The following PHF21B variants were observed in gnomAD, a reference collection of about 807,000 sequenced individuals.
PHF21B encodes PHD finger protein 4.
In PHF21B, 22 loss-of-function variants were observed where a neutral mutation model predicts 62.2. The ratio of observed to expected loss-of-function variants is 0.35; its 90% CI spans 0.25 to 0.51. The LOEUF is 0.51. Ranked by LOEUF, PHF21B falls within the 20% of genes least tolerant of loss-of-function variation. The pLI, the probability that PHF21B is intolerant of heterozygous loss-of-function variation, is 0.97. For synonymous variants in PHF21B, 341 were observed against 314.7 expected (o/e 1.08, Z -0.88); for missense variants, 701 against 707.9 (o/e 0.99, Z 0.11).
rs116633368 is a variant in PHF21B, at chr22:44,892,596, G to T, written c.960+861C>A. ...CTGCAACACACCAGGCACTGACCTCGGGGGACATCGTTTCCCTCAGGACAG... is the reference window on the plus strand; with the variant it reads ...CTGCAACACACCAGGCACTGACCTCTGGGGACATCGTTTCCCTCAGGACAG... On this transcript the variant is annotated intron_variant, in intron 7 of 12. Coordinates refer to ENST00000313237, the MANE Select transcript of PHF21B (RefSeq NM_138415.5). 4.7e-3 allele frequency among the ~76,000 whole-genome samples: 719 copies of T among 152,262 alleles called. 5 individuals carry two copies. Among genetic ancestry groups the T allele is most frequent in the African/African-American group, 0.016 (676 of 41,546 alleles).
At chr22:44,979,589 G>A (rs1199201894) in intron 2 of PHF21B, among the ~76,000 whole-genome samples, 1 of 152,180 alleles carries the variant, frequency 6.6e-6, no homozygotes, top group East Asian at 1.9e-4. Flanking sequence ...CCAGCGCCGT[G>A]GCAGCTGTGC....
At chr22:44,969,421 T>C (rs1023117757) in intron 2 of PHF21B, among the ~76,000 whole-genome samples, 5 of 152,146 alleles carry the variant, frequency 3.3e-5, no homozygotes, top group African/African-American at 1.2e-4. Flanking sequence ...ATTCCAGCAC[T>C]TTGGGAGGCC....
At chr22:44,995,677 G>GTGAT (rs2073107986) in intron 2 of PHF21B, among the ~76,000 whole-genome samples, 1 of 152,116 alleles carries the variant, frequency 6.6e-6, no homozygotes, top group African/African-American at 2.4e-5. Flanking sequence ...AGAATCTTCG[G>GTGAT]CGCGTCGAGT....
chr22:44,910,812 C>A (rs927143760), intron 5 of PHF21B, among the ~76,000 whole-genome samples: 5 of 152,158 alleles, frequency 3.3e-5, no homozygotes, highest in Admixed American at 6.5e-5. Flanking sequence ...TGAAAAGATA[C>A]CCCAAAATGT....
rs867801626 is a variant in PHF21B, at chr22:44,963,277, G to A, written c.121-42787C>T. ...GCACACTGGTGACGGAGGGCGACCCGCCACGCTCACACCACTGCAGCGGCC... is the reference window on the plus strand; with the variant it reads ...GCACACTGGTGACGGAGGGCGACCCACCACGCTCACACCACTGCAGCGGCC... On this transcript the variant is annotated intron_variant, in intron 2 of 12. Coordinates refer to ENST00000313237, the MANE Select transcript of PHF21B (RefSeq NM_138415.5). Among the ~76,000 whole-genome samples the A allele has an allele frequency of 2.6e-5, 4 of 152,290 alleles. No homozygotes were observed. The South Asian group carries it at 8.3e-4, about 32-fold the overall frequency.
chr22:45,009,164 T>G lies in PHF21B; in HGVS notation c.54+332A>C, dbSNP rs2073380549. On this transcript the variant is annotated intron_variant, in intron 1 of 12. Transcript: ENST00000313237. The surrounding 1 kb of genome is among the most constrained non-coding windows in gnomAD (Gnocchi z 5.9). ...CGAGGGGAGGCCGGAAGGGGGCCTA[T>G]TCGCACTCCCCTCCCCGGGACCGGC... 6.5e-6 allele frequency: 3 copies of G among 459,144 alleles called. No individual in the cohort carries two copies. Among genetic ancestry groups the G allele is most frequent in the Non-Finnish European group, 1.0e-5 (3 of 298,308 alleles). 28.4% of individuals were successfully genotyped at this position (459,144 alleles called of 1,614,324 possible).
At chr22:44,889,984 C>A (rs2070933834) in intron 8 of PHF21B, among the ~76,000 whole-genome samples, 2 of 151,022 alleles carry the variant, frequency 1.3e-5, no homozygotes. Context: ...TGGGATCTTA[C>A]CCCAGGGCAT....
At position 45,009,234 on chromosome 22, in the gene PHF21B, C is replaced by G. The variant is rs778120837; in HGVS notation, c.54+262G>C. 26 of 503,566 alleles carry G rather than the reference C, an allele frequency of 5.2e-5. No individual in the cohort carries two copies. The highest frequency in any genetic ancestry group is 7.8e-5 in the Non-Finnish European group (23 of 294,006). 31.2% of individuals were successfully genotyped at this position (503,566 alleles called of 1,614,324 possible). ...AGGCACCCTCCCAGTCATGCAGACCCTACATCGCTTAAGAGAAGACTCCAG... is the reference window on the plus strand; with the variant it reads ...AGGCACCCTCCCAGTCATGCAGACCGTACATCGCTTAAGAGAAGACTCCAG... On this transcript the variant is annotated intron_variant, in intron 1 of 12. Coordinates refer to ENST00000313237, the MANE Select transcript of PHF21B (RefSeq NM_138415.5). The surrounding 1 kb of genome is among the most constrained non-coding windows in gnomAD (Gnocchi z 5.9).
chr22:44,996,793 CAT>C (rs1657977243), intron 2 of PHF21B, among the ~76,000 whole-genome samples: 6 of 152,268 alleles, frequency 3.9e-5, no homozygotes, highest in African/African-American at 1.2e-4. Flanking sequence ...AGCACACACA[CAT>C]GCATACATGC....
At chr22:44,908,616 C>A (rs74320188) in intron 5 of PHF21B, among the ~76,000 whole-genome samples, 9,934 of 152,194 alleles carry the variant, frequency 0.065, 625 homozygotes, top group African/African-American at 0.16. Context: ...GCGGAGTTGC[C>A]CAAACACCAA....
intron 2 of PHF21B, among the ~76,000 whole-genome samples, chr22:44,994,670 A>G (rs1300561905): frequency 6.6e-6 from 1 of 152,134 alleles, no homozygotes; most frequent in Admixed American, 6.5e-5. Context: ...GGGCTCACAC[A>G]CAGCTGAGCC....
At position 45,009,503 on chromosome 22, in the gene PHF21B, CG is replaced by C; in HGVS notation, c.46del (p.Arg16AlafsTer62). The C allele has an allele frequency of 6.4e-7, 1 of 1,554,170 alleles. No homozygotes were observed. Among genetic ancestry groups the C allele is most frequent in the Non-Finnish European group, 8.6e-7 (1 of 1,158,718 alleles). ...CGGCCCCCGGCCACCTACCTGGTGG[CG>C]CGCGAGTTCCACGGCGAGCGCCTCG... ...RPEALAVELA[R>X]HQNGDLKKQL... On this transcript the variant is annotated frameshift_variant, in exon 1 of 13. Transcript: ENST00000313237. LOFTEE classifies it high-confidence loss of function. This position sits in a 1 kb window ranked among gnomAD's most constrained non-coding sequence, Gnocchi z 5.9.
intron 5 of PHF21B, 53 bp from the exon 6 acceptor site, chr22:44,896,136 A>G: frequency 6.2e-7 from 1 of 1,600,138 alleles, no homozygotes; most frequent in South Asian, 1.1e-5. Flanking sequence ...AAGTTCATTC[A>G]TGCACTCAAC....
At chr22:44,919,997 C>T (rs2071505840) in intron 3 of PHF21B, among the ~76,000 whole-genome samples, 1 of 152,196 alleles carries the variant, frequency 6.6e-6, no homozygotes, top group African/African-American at 2.4e-5. Flanking sequence ...AAATGAATCC[C>T]CTCGTCCAGA....
intron 2 of PHF21B, among the ~76,000 whole-genome samples, chr22:44,944,158 G>A (rs952719793): frequency 1.3e-5 from 2 of 152,310 alleles, no homozygotes; most frequent in African/African-American, 2.4e-5. Flanking sequence ...AGGACTGTGC[G>A]CCCAGCATCC....
intron 5 of PHF21B, among the ~76,000 whole-genome samples, chr22:44,898,804 C>T (rs1263372008): frequency 2.6e-5 from 4 of 152,154 alleles, no homozygotes; most frequent in African/African-American, 7.2e-5. Context: ...CCATTTGGAA[C>T]GGATCCTGGT....
chr22:44,963,108 C>G (rs1443062437), intron 2 of PHF21B, among the ~76,000 whole-genome samples: 1 of 152,246 alleles, frequency 6.6e-6, no homozygotes, highest in Non-Finnish European at 1.5e-5. Context: ...GTAACAGAAT[C>G]AAGATCTCAG....
At chr22:44,927,511 C>A (rs528097894) in intron 2 of PHF21B, among the ~76,000 whole-genome samples, 14 of 152,150 alleles carry the variant, frequency 9.2e-5, no homozygotes, top group Non-Finnish European at 1.8e-4. Flanking sequence ...CTGCTGCAAA[C>A]AGGGCTGCCT....
chr22:44,927,813 C>A (rs1031819109), intron 2 of PHF21B, among the ~76,000 whole-genome samples: 16 of 152,172 alleles, frequency 1.1e-4, no homozygotes, highest in African/African-American at 3.9e-4. Flanking sequence ...TTCACCAGCA[C>A]CAGGTAGTTT....
Sources: gnomAD v4.1 joint callset for allele counts (sites outside exome capture counted in the v4.1 genomes callset) on GRCh38, gnomAD v4.1.1 for gene constraint, Gnocchi (gnomAD v3.1) non-coding constraint, MANE v1.5 for transcripts, NCBI Gene and HGNC (gene_info 2026-07-23, HGNC 2026-07-21) for gene names.